PITPNC1: variants seen among roughly 807,000 people sequenced by gnomAD.
PITPNC1 encodes the protein cytoplasmic phosphatidylinositol transfer protein 1.
In PITPNC1, 18 loss-of-function variants were observed where a neutral mutation model predicts 44.7. The ratio of observed to expected loss-of-function variants is 0.40; its 90% CI spans 0.28 to 0.60. The LOEUF (loss-of-function observed/expected upper bound fraction) is 0.60. PITPNC1 is among the 20% of genes least tolerant of loss of function. The pLI is 0.39. For missense variants in PITPNC1, 290 were observed against 418.4 expected (o/e 0.69, Z 2.68); for synonymous variants, 141 against 149.6 (o/e 0.94, Z 0.42).
chr17:67,442,544 A>T (rs1255506014), intron 1 of PITPNC1, among the ~76,000 whole-genome samples: 1 of 150,276 alleles, frequency 6.7e-6, no homozygotes, highest in African/African-American at 2.4e-5. Flanking sequence ...CATTTTGATT[A>T]AAAAAAAATG....
chr17:67,447,908 TTCTC>T (rs960196332), intron 1 of PITPNC1, among the ~76,000 whole-genome samples: 32 of 151,954 alleles, frequency 2.1e-4, no homozygotes, highest in Middle Eastern at 3.4e-3. Context: ...CTTTCTTTCT[TTCTC>T]TCTCTGTCTC....
Position 67,410,855 on chromosome 17 carries a change from C to T in PITPNC1, c.48+32653C>T, listed in dbSNP as rs2038484468. On this transcript the variant is annotated intron_variant, in intron 1 of 8. Transcript: ENST00000581322. ...ATCCCAGCACTTTGGGAGGCCGAGG[C>T]GGGTGGATCACAAGGTCAGGAGTTC... Among the ~76,000 whole-genome samples, 5 of 151,476 alleles carry T rather than the reference C, an allele frequency of 3.3e-5. No individual in the cohort carries two copies. In the South Asian group the frequency reaches 6.3e-4, roughly 19 times the overall value.
At chr17:67,485,643 G>A (rs555092599) in intron 1 of PITPNC1, among the ~76,000 whole-genome samples, 1 of 152,106 alleles carries the variant, frequency 6.6e-6, no homozygotes, top group South Asian at 2.1e-4. Flanking sequence ...CGCCGCACCC[G>A]GCCAATTAGT....
intron 4 of PITPNC1, among the ~76,000 whole-genome samples, chr17:67,568,909 C>T (rs1369505967): frequency 2.6e-5 from 4 of 152,158 alleles, no homozygotes; most frequent in Non-Finnish European, 5.9e-5. Context: ...GTTTTTGCCA[C>T]AGGCTAGGTG....
At chr17:67,637,080 A>T (rs573054381) in intron 6 of PITPNC1, among the ~76,000 whole-genome samples, 1 of 152,178 alleles carries the variant, frequency 6.6e-6, no homozygotes, top group East Asian at 1.9e-4. Context: ...TCACTATGGC[A>T]TGAGCTCTGC....
intron 1 of PITPNC1, among the ~76,000 whole-genome samples, chr17:67,445,496 A>G (rs929217008): frequency 1.3e-5 from 2 of 152,032 alleles, no homozygotes; most frequent in Non-Finnish European, 2.9e-5. Flanking sequence ...GGCCAGTGGT[A>G]ATATTTCTGT....
intron 1 of PITPNC1, among the ~76,000 whole-genome samples, chr17:67,382,443 T>G (rs1250298333): frequency 6.6e-6 from 1 of 151,988 alleles, no homozygotes; most frequent in Non-Finnish European, 1.5e-5. Flanking sequence ...ATTAAAACAT[T>G]TCATTGGAAT....
At chr17:67,462,063 T>C (rs1358366579) in intron 1 of PITPNC1, among the ~76,000 whole-genome samples, 1 of 152,054 alleles carries the variant, frequency 6.6e-6, no homozygotes, top group African/African-American at 2.4e-5. Context: ...AACATGCCTC[T>C]TGAATCTAAA....
At chr17:67,690,289 AAC>A (rs746486397) in intron 8 of PITPNC1, among the ~76,000 whole-genome samples, 1 of 151,966 alleles carries the variant, frequency 6.6e-6, no homozygotes, top group East Asian at 1.9e-4. Context: ...CTCTACTAAT[AAC>A]ACAAAAATTA....
chr17:67,447,756 C>G (rs990757181), intron 1 of PITPNC1, among the ~76,000 whole-genome samples: 4 of 150,060 alleles, frequency 2.7e-5, no homozygotes, highest in African/African-American at 7.3e-5. Context: ...ATGGTGGAAG[C>G]CTGTTTTGTT....
intron 5 of PITPNC1, among the ~76,000 whole-genome samples, chr17:67,600,942 T>C (rs1253742985): frequency 1.3e-5 from 2 of 152,104 alleles, no homozygotes; most frequent in East Asian, 3.9e-4. Flanking sequence ...AAACACTTAT[T>C]TAGCCCTTAT....
At chr17:67,582,953 T>C (rs1035348413) in intron 5 of PITPNC1, among the ~76,000 whole-genome samples, 2 of 152,172 alleles carry the variant, frequency 1.3e-5, no homozygotes, top group Admixed American at 6.5e-5. Flanking sequence ...GCCTTGCTAC[T>C]TTACTTCCTC....
chr17:67,463,622 A>G (rs1016771302), intron 1 of PITPNC1, among the ~76,000 whole-genome samples: 12 of 152,172 alleles, frequency 7.9e-5, no homozygotes, highest in African/African-American at 2.7e-4. Context: ...GTGTTTGGCT[A>G]GGCGCAGTGC....
chr17:67,527,484 C>T (rs1455779257), intron 1 of PITPNC1, among the ~76,000 whole-genome samples: 3 of 150,984 alleles, frequency 2.0e-5, no homozygotes, highest in Non-Finnish European at 3.0e-5. Flanking sequence ...GCGGATGGAT[C>T]ATGAGGTCAG....
intron 1 of PITPNC1, chr17:67,525,299 A>G (rs1427064051): frequency 1.3e-5 from 2 of 152,228 alleles, no homozygotes; most frequent in African/African-American, 4.8e-5. Flanking sequence ...ACTTATTTCT[A>G]TAAAGGGCCA....
intron 1 of PITPNC1, among the ~76,000 whole-genome samples, chr17:67,407,398 C>T (rs888751813): frequency 1.2e-4 from 18 of 152,148 alleles, no homozygotes; most frequent in Admixed American, 1.2e-3. Flanking sequence ...TATATGTTCT[C>T]GATGCTAGAC....
intron 1 of PITPNC1, among the ~76,000 whole-genome samples, chr17:67,484,458 G>A (rs1568008871): frequency 6.6e-6 from 1 of 152,208 alleles, no homozygotes; most frequent in Non-Finnish European, 1.5e-5. Flanking sequence ...TAGCTCAGTC[G>A]CCACATAAGC....
chr17:67,647,876 G>C (rs558982934), intron 6 of PITPNC1, among the ~76,000 whole-genome samples: 1 of 152,008 alleles, frequency 6.6e-6, no homozygotes, highest in African/African-American at 2.4e-5. Flanking sequence ...GGTGCTCCCG[G>C]GCATGGTAAA....
rs993510185 is a variant in PITPNC1 at position 67,626,820 on chromosome 17, A to G, written c.367-5323A>G. On this transcript the variant is annotated intron_variant, in intron 5 of 8. Transcript: ENST00000581322. ...AAGGAAACAGGATCTCAGACTCATG[A>G]AAAAAAAAAAAAAAACCTAAGATCA... 6.3e-5 allele frequency among the ~76,000 whole-genome samples: 7 copies of G among 110,676 alleles called. No individual in the cohort carries two copies. In the East Asian group the frequency reaches 1.0e-3, roughly 16 times the overall value. The allele number at this position is 110,676 out of a possible 152,430, so 72.6% of individuals were successfully genotyped here.
Sources: allele counts gnomAD v4.1 joint callset (sites outside exome capture counted in the v4.1 genomes callset), GRCh38; gene constraint gnomAD v4.1.1; transcripts MANE v1.5; gene names NCBI Gene and HGNC (gene_info 2026-07-23, HGNC 2026-07-21).